The following TMCO5A variants were observed in gnomAD, a reference collection of about 807,000 sequenced individuals.
TMCO5A encodes transmembrane and coiled-coil domains 5A.
A neutral mutation model predicts 42.3 loss-of-function variants in TMCO5A; 34 were observed. The observed-to-expected ratio is 0.80, with a 90% confidence interval of 0.61 to 1.07. TMCO5A has a LOEUF of 1.07. Ranked by LOEUF, TMCO5A falls within the 50% of genes least tolerant of loss-of-function variation. TMCO5A has a pLI of 0.00. For synonymous variants in TMCO5A, 131 were observed against 115.6 expected, an observed-to-expected ratio of 1.13 and a Z score of -0.86; for missense variants, 357 against 327.9, an observed-to-expected ratio of 1.09 and a Z score of -0.69.
chr15:37,968,582 CT>C (rs61091144), downstream of TMCO5A, among the ~76,000 whole-genome samples: 1,776 of 131,102 alleles, frequency 0.014, 13 homozygotes, highest in African/African-American at 0.034. Context: ...TTCTACATTT[CT>C]TTTTTTTTTT....
chr15:38,002,961 C>A, the TMCO5A span, among the ~76,000 whole-genome samples: 2 of 152,198 alleles, frequency 1.3e-5, no homozygotes, highest in East Asian at 1.9e-4. Context: ...TTATTATAGT[C>A]TTCTCAGTCT....
downstream of TMCO5A, among the ~76,000 whole-genome samples, chr15:37,969,618 G>A (rs1274709732): frequency 1.3e-5 from 2 of 152,232 alleles, no homozygotes; most frequent in East Asian, 1.9e-4. Flanking sequence ...TAAATTGCAT[G>A]TCACAGGGCT....
At chr15:37,954,822 G>A (rs1204953702), downstream of TMCO5A, among the ~76,000 whole-genome samples, 1 of 151,966 alleles carries the variant, frequency 6.6e-6, no homozygotes, top group East Asian at 1.9e-4. Context: ...TTAAGAAACA[G>A]AGCCTTTGAT....
chr15:38,003,086 C>T, the TMCO5A span, among the ~76,000 whole-genome samples: 29 of 152,318 alleles, frequency 1.9e-4, no homozygotes, highest in East Asian at 2.9e-3. Flanking sequence ...TTAGGGGGCA[C>T]CCTAAGCCCA....
At chr15:38,007,549 A>G in the TMCO5A span, among the ~76,000 whole-genome samples, 2 of 152,244 alleles carry the variant, frequency 1.3e-5, no homozygotes, top group Admixed American at 6.5e-5. Flanking sequence ...ACTGTAAATT[A>G]GGAGTACCCA....
chr15:37,998,419 G>A, the TMCO5A span, among the ~76,000 whole-genome samples: 2 of 152,090 alleles, frequency 1.3e-5, no homozygotes, highest in East Asian at 3.9e-4. Context: ...TCTGAACATG[G>A]ATATCCAGTT....
chr15:38,004,714 C>T, the TMCO5A span: 1 of 152,166 alleles, frequency 6.6e-6, no homozygotes. Context: ...TTCACCCTCC[C>T]CAAAGTGCAC....
At chr15:37,968,809 C>T (rs1890617830), downstream of TMCO5A, among the ~76,000 whole-genome samples, 1 of 152,018 alleles carries the variant, frequency 6.6e-6, no homozygotes, top group Non-Finnish European at 1.5e-5. Context: ...TCTCCAACTC[C>T]TGACCTCGTG....
chr15:37,967,615 G>A (rs1465332056), exon 12 of TMCO5A: 2 of 152,102 alleles, frequency 1.3e-5, no homozygotes, highest in African/African-American at 4.8e-5. Flanking sequence ...TATTAGCTTA[G>A]TATTAGATGA....
At chr15:37,952,371 A>G (rs112797900), downstream of TMCO5A, among the ~76,000 whole-genome samples, 5 of 152,046 alleles carry the variant, frequency 3.3e-5, no homozygotes, top group Non-Finnish European at 7.4e-5. Context: ...TGCATCTTGA[A>G]TAGCAGCTCA....
the TMCO5A span, among the ~76,000 whole-genome samples, chr15:38,009,915 G>GC: frequency 5.9e-5 from 9 of 151,964 alleles, no homozygotes; most frequent in Non-Finnish European, 5.9e-5. Context: ...GGCTGAGAAT[G>GC]CCCCCCCAAA....
At chr15:37,978,445 C>G in the TMCO5A span, among the ~76,000 whole-genome samples, 3 of 152,314 alleles carry the variant, frequency 2.0e-5, no homozygotes, top group Middle Eastern at 3.4e-3. Context: ...GGCCCTCAGC[C>G]GAGGACCCTG....
the TMCO5A span, among the ~76,000 whole-genome samples, chr15:38,022,559 A>T: frequency 6.6e-6 from 1 of 152,194 alleles, no homozygotes; most frequent in East Asian, 1.9e-4. Context: ...TCTATATGAT[A>T]CTATAGTGGT....
At chr15:38,008,106 G>A in the TMCO5A span, among the ~76,000 whole-genome samples, 1,793 of 151,326 alleles carry the variant, frequency 0.012, 18 homozygotes, top group East Asian at 0.022. Context: ...CATGTTAGCC[G>A]GGATGGTCTC....
the TMCO5A span, among the ~76,000 whole-genome samples, chr15:38,038,463 G>A: frequency 2.0e-5 from 3 of 149,992 alleles, no homozygotes; most frequent in African/African-American, 7.4e-5. Flanking sequence ...GGAGTGCAGT[G>A]GCTGCGATCT....
chr15:37,954,284 G>A (rs773652103), downstream of TMCO5A, among the ~76,000 whole-genome samples: 1 of 152,050 alleles, frequency 6.6e-6, no homozygotes, highest in Non-Finnish European at 1.5e-5. Context: ...CAAGGATAGA[G>A]AAAGGATCAC....
chr15:37,982,479 T>TCTATATATAATA, the TMCO5A span, among the ~76,000 whole-genome samples: 1 of 69,422 alleles, frequency 1.4e-5, no homozygotes, highest in Non-Finnish European at 2.5e-5. Flanking sequence ...AGATATTTTA[T>TCTATATATAATA]GTATTATATA....
At chr15:37,987,378 AG>A in the TMCO5A span, among the ~76,000 whole-genome samples, 4 of 151,932 alleles carry the variant, frequency 2.6e-5, no homozygotes, top group Non-Finnish European at 5.9e-5. Context: ...TGAGGCCAAA[AG>A]TTTTTAATTT....
the TMCO5A span, among the ~76,000 whole-genome samples, chr15:38,026,609 G>T: frequency 6.6e-6 from 1 of 152,228 alleles, no homozygotes; most frequent in African/African-American, 2.4e-5. Context: ...TCATAAATTT[G>T]CATAAGCAAT....
Sources: gnomAD v4.1 joint callset for allele counts (sites outside exome capture counted in the v4.1 genomes callset) on GRCh38, gnomAD v4.1.1 for gene constraint, MANE v1.5 for transcripts, NCBI Gene and HGNC (gene_info 2026-07-23, HGNC 2026-07-21) for gene names.